KCNIP4: variants seen among roughly 807,000 people sequenced by gnomAD.
The protein encoded by KCNIP4 is potassium voltage-gated channel interacting protein 4.
Under a neutral mutation model 34.0 loss-of-function variants are expected in KCNIP4, and 12 were observed. The ratio of observed to expected loss-of-function variants is 0.35; its 90% confidence interval spans 0.23 to 0.57. The LOEUF (loss-of-function observed/expected upper bound fraction) is 0.57, where lower values mean the gene tolerates loss of function less well. Ranked by LOEUF, KCNIP4 falls within the 20% of genes least tolerant of loss-of-function variation. The probability of loss-of-function intolerance (pLI) is 0.83; values close to 1 mark genes in which losing one functional copy is unlikely to be tolerated. For synonymous variants in KCNIP4, 124 were observed against 102.2 expected (o/e 1.21, Z -1.29); for missense variants, 238 against 311.7 (o/e 0.76, Z 1.78).
At chr4:21,213,298 T>C (rs1367637638) in intron 1 of KCNIP4, among the ~76,000 whole-genome samples, 1 of 152,080 alleles carries the variant, frequency 6.6e-6, no homozygotes, top group Non-Finnish European at 1.5e-5. Context: ...TTTATTTTAT[T>C]GATTGATTGA....
chr4:21,329,178 T>A (rs1715381673), intron 1 of KCNIP4, among the ~76,000 whole-genome samples: 1 of 152,364 alleles, frequency 6.6e-6, no homozygotes, highest in South Asian at 2.1e-4. Flanking sequence ...AATGACTTTA[T>A]GCCTTCTACG....
Position 21,798,404 on chromosome 4 carries a change from C to CATACATATATATATATATAT in KCNIP4, c.61+150166_61+150167insATATATATATATATATGTAT, listed in dbSNP as rs557219481. The stretch of plus-strand genomic sequence containing the variant: ...CCGTTTCCACACACACAAAAAAATA[C>CATACATATATATATATATAT]ATATATATATATATATATATATTTG... On this transcript the variant is annotated intron_variant, in intron 1 of 8. Coordinates refer to ENST00000382152, the MANE Select transcript of KCNIP4 (RefSeq NM_025221.6). 4.4e-3 allele frequency among the ~76,000 whole-genome samples: 569 copies of CATACATATATATATATATAT among 129,612 alleles called. 5 individuals are homozygous for CATACATATATATATATATAT. Among genetic ancestry groups the CATACATATATATATATATAT allele is most frequent in the Non-Finnish European group, 7.5e-3 (451 of 60,166 alleles). 85.0% of individuals were successfully genotyped at this position (129,612 alleles called of 152,430 possible). A position where few individuals can be genotyped will look rare whatever the true frequency, so the allele number is the denominator to read the frequency against.
chr4:21,023,588 C>T (rs551192929), intron 1 of KCNIP4, among the ~76,000 whole-genome samples: 2 of 152,034 alleles, frequency 1.3e-5, no homozygotes, highest in South Asian at 4.1e-4. Flanking sequence ...CATATTTAAA[C>T]CATTAGGAAA....
intron 1 of KCNIP4, among the ~76,000 whole-genome samples, chr4:20,906,538 A>G (rs938642204): frequency 6.6e-6 from 1 of 152,306 alleles, no homozygotes; most frequent in East Asian, 1.9e-4. Flanking sequence ...GAGAGCAGTC[A>G]AAACTTTCAT....
At chr4:21,556,346 C>T (rs1739008447) in intron 1 of KCNIP4, among the ~76,000 whole-genome samples, 1 of 152,070 alleles carries the variant, frequency 6.6e-6, no homozygotes, top group Non-Finnish European at 1.5e-5. Flanking sequence ...AGAGGACAAT[C>T]CATTCTAGAG....
At chr4:21,600,724 C>T (rs776551254) in intron 1 of KCNIP4, among the ~76,000 whole-genome samples, 3 of 152,020 alleles carry the variant, frequency 2.0e-5, no homozygotes, top group Non-Finnish European at 4.4e-5. Context: ...TTTCGATTTC[C>T]CCATGGTTGT....
intron 1 of KCNIP4, among the ~76,000 whole-genome samples, chr4:21,543,001 A>G (rs1022688976): frequency 3.3e-5 from 5 of 152,002 alleles, no homozygotes; most frequent in African/African-American, 1.2e-4. Flanking sequence ...ATGTACAACA[A>G]AGCTTAAAAT....
intron 1 of KCNIP4, among the ~76,000 whole-genome samples, chr4:21,749,857 A>C (rs1267697728): frequency 6.6e-6 from 1 of 152,056 alleles, no homozygotes; most frequent in African/African-American, 2.4e-5. Flanking sequence ...TCTTTTTACT[A>C]TGTCTCATCA....
At chr4:20,743,379 G>T (rs1352730079) in intron 5 of KCNIP4, among the ~76,000 whole-genome samples, 1 of 152,074 alleles carries the variant, frequency 6.6e-6, no homozygotes, top group Admixed American at 6.6e-5. Context: ...ATACTACAAG[G>T]CTACAGTAAC....
At chr4:21,836,293 C>T (rs1378706835) in intron 1 of KCNIP4, among the ~76,000 whole-genome samples, 3 of 147,458 alleles carry the variant, frequency 2.0e-5, no homozygotes, top group Non-Finnish European at 4.4e-5. Flanking sequence ...TTTCTTTAGA[C>T]ACCCTGGGAA....
rs111640723 is a variant in KCNIP4 at position 20,988,312 on chromosome 4, G to C, written c.62-105603C>G. Among the ~76,000 whole-genome samples the C allele has an allele frequency of 1.6e-3, 245 of 152,280 alleles. 2 individuals carry two copies. The highest frequency in any genetic ancestry group is 5.6e-3 in the African/African-American group (232 of 41,556). On this transcript the variant is annotated intron_variant, in intron 1 of 8. Coordinates refer to ENST00000382152, the MANE Select transcript of KCNIP4 (RefSeq NM_025221.6). ...AGTATTGACAGAAACTCTTAGGAAA[G>C]TAAAAACTCACTCCAAGGACGCATG...
Position 21,331,145 on chromosome 4 carries a change from T to G in KCNIP4, c.62-448436A>C, listed in dbSNP as rs553644791. On this transcript the variant is annotated intron_variant, in intron 1 of 8. Transcript: ENST00000382152. ...ACTTTCTATTCTCAACTTTGACTAT[T>G]TTTTTTTGCTCTGTGGGCTAAAACT... Among the ~76,000 whole-genome samples the G allele has an allele frequency of 7.2e-5, 11 of 151,860 alleles. No homozygotes were observed. In the South Asian group the frequency reaches 2.3e-3, roughly 31 times the overall value.
chr4:20,810,465 GA>G (rs1715600924), intron 3 of KCNIP4, among the ~76,000 whole-genome samples: 1 of 39,626 alleles, frequency 2.5e-5, no homozygotes, highest in Non-Finnish European at 5.5e-5. Flanking sequence ...AGGAAGGGGG[GA>G]GAGAGAGAGA....
chr4:21,335,655 A>G (rs1435340351), intron 1 of KCNIP4, among the ~76,000 whole-genome samples: 1 of 152,226 alleles, frequency 6.6e-6, no homozygotes, highest in East Asian at 1.9e-4. Flanking sequence ...TTTAAAAAGT[A>G]TAAATCCAAG....
intron 1 of KCNIP4, among the ~76,000 whole-genome samples, chr4:21,367,169 C>T (rs1719864890): frequency 6.6e-6 from 1 of 152,146 alleles, no homozygotes; most frequent in Non-Finnish European, 1.5e-5. Flanking sequence ...GCATCTAGAA[C>T]TGTGAGAACA....
At chr4:21,936,977 A>T (rs1368486736) in intron 1 of KCNIP4, among the ~76,000 whole-genome samples, 1 of 151,868 alleles carries the variant, frequency 6.6e-6, no homozygotes, top group African/African-American at 2.4e-5. Context: ...TCTATTCCTT[A>T]TCCAGTTCAT....
At chr4:21,828,625 A>G (rs1455592495) in intron 1 of KCNIP4, among the ~76,000 whole-genome samples, 1 of 152,020 alleles carries the variant, frequency 6.6e-6, no homozygotes, top group East Asian at 1.9e-4. Context: ...AAAAGAAAAG[A>G]AAGAACAGGT....
rs1366204923 is a variant in KCNIP4, at chr4:21,247,759, T to TATATAC, written c.62-365051_62-365050insGTATAT. ...GGATATATATATATATATATATATA[T>TATATAC]ACACCCCACAGGTGTTTTTTATATA... On this transcript the variant is annotated intron_variant, in intron 1 of 8. Transcript: ENST00000382152. Among the ~76,000 whole-genome samples, 58 of 120,000 alleles carry TATATAC rather than the reference T, an allele frequency of 4.8e-4. 3 individuals are homozygous for TATATAC. Among genetic ancestry groups the TATATAC allele is most frequent in the African/African-American group, 2.0e-3 (56 of 28,038 alleles). The allele number at this position is 120,000 out of a possible 152,430, so 78.7% of individuals were successfully genotyped here. A position where few individuals can be genotyped will look rare whatever the true frequency, so the allele number is the denominator to read the frequency against.
chr4:21,679,852 T>C (rs1750204145), intron 1 of KCNIP4, among the ~76,000 whole-genome samples: 1 of 152,190 alleles, frequency 6.6e-6, no homozygotes, highest in Non-Finnish European at 1.5e-5. Flanking sequence ...ATACCTTAAA[T>C]TAAAATACTC....
Sources: gnomAD v4.1 joint callset for allele counts (sites outside exome capture counted in the v4.1 genomes callset) on GRCh38, gnomAD v4.1.1 for gene constraint, MANE v1.5 for transcripts, NCBI Gene and HGNC (gene_info 2026-07-23, HGNC 2026-07-21) for gene names.